Variants in CSMD1 observed in about 807,000 individuals in gnomAD.
CSMD1 encodes CUB and sushi domain-containing protein 1.
A neutral mutation model predicts 417.5 loss-of-function variants in CSMD1; 213 were observed. The ratio of observed to expected loss-of-function variants is 0.51; its 90% CI spans 0.46 to 0.57. The LOEUF (loss-of-function observed/expected upper bound fraction) is 0.57. Among genes scored for constraint, CSMD1 ranks in the 20% least tolerant of loss-of-function variants. The pLI is 0.00. For synonymous variants in CSMD1, 2,862 were observed against 1,736.8 expected, an observed-to-expected ratio of 1.65 and a Z score of -16.11; for missense variants, 6,923 against 4,529.7, an observed-to-expected ratio of 1.53 and a Z score of -15.17.
In CSMD1 at chr8:3,756,245, C is replaced by T. The variant is rs573112902; in HGVS notation, c.819-2203G>A. On this transcript the variant is annotated intron_variant, in intron 5 of 69. Transcript: ENST00000635120. ...GCGGGCGCCTGTAGTCCCAGCTACT[C>T]GGGAGGCTGAGGCAGGAGAATGGCG... Among the ~76,000 whole-genome samples the T allele has an allele frequency of 2.1e-4, 32 of 151,296 alleles. No individual in the cohort carries two copies. In the East Asian group the frequency reaches 6.1e-3, roughly 29 times the overall value.
chr8:3,522,092 G>A (rs1194470966), intron 10 of CSMD1, among the ~76,000 whole-genome samples: 1 of 152,126 alleles, frequency 6.6e-6, no homozygotes, highest in Admixed American at 6.6e-5. Flanking sequence ...TATCTAAATT[G>A]CATTAACTTT....
chr8:3,111,141 G>A (rs986496121), intron 42 of CSMD1, among the ~76,000 whole-genome samples: 4 of 152,122 alleles, frequency 2.6e-5, no homozygotes, highest in Admixed American at 1.3e-4. Context: ...CTTGAACCTC[G>A]AAGGGCTGTC....
intron 1 of CSMD1, among the ~76,000 whole-genome samples, chr8:4,993,360 T>C (rs909857622): frequency 2.6e-5 from 3 of 117,132 alleles, no homozygotes; most frequent in Admixed American, 8.1e-5. Flanking sequence ...GTATTTCCAA[T>C]GTGAAAACCA....
intron 23 of CSMD1, among the ~76,000 whole-genome samples, chr8:3,322,334 T>C (rs1198121618): frequency 2.0e-5 from 3 of 152,232 alleles, no homozygotes; most frequent in Admixed American, 2.0e-4. Context: ...ACAGTATTAG[T>C]TAAATGACTG....
intron 1 of CSMD1, among the ~76,000 whole-genome samples, chr8:4,731,069 CT>C (rs1477269601): frequency 6.6e-6 from 1 of 152,190 alleles, no homozygotes; most frequent in African/African-American, 2.4e-5. Context: ...GTCTTGACTC[CT>C]GCTGAGAGAG....
intron 5 of CSMD1, among the ~76,000 whole-genome samples, chr8:3,854,048 GTATATGTATAT>G (rs1804116506): frequency 7.1e-6 from 1 of 141,308 alleles, no homozygotes; most frequent in Non-Finnish European, 1.5e-5. Context: ...ATATACTAAA[GTATATGTATAT>G]TATATTTAGC....
chr8:4,710,039 C>G (rs1281059020), intron 1 of CSMD1, among the ~76,000 whole-genome samples: 1 of 152,102 alleles, frequency 6.6e-6, no homozygotes, highest in Non-Finnish European at 1.5e-5. Context: ...GGCCACTAAG[C>G]TGACTTGATA....
At chr8:4,400,116 C>G (rs1379892970) in intron 3 of CSMD1, among the ~76,000 whole-genome samples, 3 of 152,148 alleles carry the variant, frequency 2.0e-5, no homozygotes, top group Non-Finnish European at 4.4e-5. Context: ...TGTATACTCT[C>G]TGCTCTATAG....
Position 3,136,815 on chromosome 8 carries a change from C to G in CSMD1, c.6241+5650G>C, listed in dbSNP as rs188954691. Among the ~76,000 whole-genome samples the G allele has an allele frequency of 1.3e-3, 197 of 152,190 alleles. 2 individuals carry two copies. Among genetic ancestry groups the G allele is most frequent in the African/African-American group, 4.0e-3 (167 of 41,534 alleles). On this transcript the variant is annotated intron_variant, in intron 41 of 69. Transcript: ENST00000635120. ...CTGAAAGCACAATCCCTTAAAGAAG[C>G]CTTCTACAAAATCCAACATTACCAA... is the stretch of plus-strand genomic sequence containing the variant.
chr8:3,461,191 A>C (rs1436628499), intron 12 of CSMD1, among the ~76,000 whole-genome samples: 1 of 152,262 alleles, frequency 6.6e-6, no homozygotes, highest in East Asian at 1.9e-4. Context: ...GGAAGTGCTC[A>C]AACAAAGGCC....
At chr8:4,832,804 A>G (rs911911802) in intron 1 of CSMD1, among the ~76,000 whole-genome samples, 1 of 152,172 alleles carries the variant, frequency 6.6e-6, no homozygotes, top group African/African-American at 2.4e-5. Flanking sequence ...CGAGACATTC[A>G]TCCTCAGGGT....
intron 1 of CSMD1, among the ~76,000 whole-genome samples, chr8:4,848,903 T>C (rs769079260): frequency 2.0e-5 from 3 of 152,242 alleles, no homozygotes; most frequent in Non-Finnish European, 2.9e-5. Context: ...TTTTACTATA[T>C]TGTACTTTTT....
intron 10 of CSMD1, among the ~76,000 whole-genome samples, chr8:3,528,486 G>A (rs1012663226): frequency 5.3e-5 from 8 of 152,176 alleles, no homozygotes; most frequent in Non-Finnish European, 1.0e-4. Flanking sequence ...TGAGGAAGAA[G>A]ACATTTCCTT....
chr8:4,214,983 C>T (rs904444990), intron 3 of CSMD1, among the ~76,000 whole-genome samples: 2 of 152,176 alleles, frequency 1.3e-5, no homozygotes, highest in African/African-American at 4.8e-5. Flanking sequence ...ACAGCTTACT[C>T]TGTCAGGATT....
Position 4,261,432 on chromosome 8 carries a change from G to A in CSMD1, c.415+158521C>T, listed in dbSNP as rs182583719. 3.7e-3 allele frequency among the ~76,000 whole-genome samples: 563 copies of A among 152,234 alleles called. 5 individuals are homozygous for A. The highest frequency in any genetic ancestry group is 0.013 in the African/African-American group (540 of 41,538). ...GGGAGAGGGGAAATGGGGAATAATT[G>A]TCAAAGTTTACAAACTTCCAGTTCG... On this transcript the variant is annotated intron_variant, in intron 3 of 69. Coordinates refer to ENST00000635120, the MANE Select transcript of CSMD1 (RefSeq NM_033225.6).
At chr8:3,773,382 G>A (rs1404611896) in intron 5 of CSMD1, among the ~76,000 whole-genome samples, 1 of 152,118 alleles carries the variant, frequency 6.6e-6, no homozygotes, top group African/African-American at 2.4e-5. Flanking sequence ...TACAGTGAAG[G>A]CTCAAGTGGT....
At chr8:4,563,979 T>C (rs1423845746) in intron 2 of CSMD1, among the ~76,000 whole-genome samples, 4 of 152,188 alleles carry the variant, frequency 2.6e-5, no homozygotes, top group African/African-American at 4.8e-5. Flanking sequence ...CTGTTGAACA[T>C]CTGCAGATTC....
At chr8:3,777,529 G>C (rs1269953786) in intron 5 of CSMD1, among the ~76,000 whole-genome samples, 1 of 152,174 alleles carries the variant, frequency 6.6e-6, no homozygotes, top group East Asian at 1.9e-4. Flanking sequence ...AAATCCTACA[G>C]GACGGAGGGC....
chr8:3,644,410 T>C (rs1482206), intron 7 of CSMD1, among the ~76,000 whole-genome samples: 59,162 of 152,046 alleles, frequency 0.39, 11,929 homozygotes, highest in Middle Eastern at 0.52. Context: ...AAGCCTCGCA[T>C]TTACAGTTTC....
Sources: allele counts gnomAD v4.1 joint callset (sites outside exome capture counted in the v4.1 genomes callset), GRCh38; gene constraint gnomAD v4.1.1; transcripts MANE v1.5; gene names NCBI Gene and HGNC (gene_info 2026-07-23, HGNC 2026-07-21).